NEDD4L: variants seen among roughly 807,000 people sequenced by gnomAD.
The protein encoded by NEDD4L is NEDD4 like E3 ubiquitin protein ligase, also known as E3 ubiquitin-protein ligase NEDD4-like.
A neutral mutation model predicts 148.9 loss-of-function variants in NEDD4L; 54 were observed. That is an observed-to-expected ratio of 0.36 (90% CI 0.29 to 0.45). The LOEUF (loss-of-function observed/expected upper bound fraction) is 0.45, where lower values mean the gene tolerates loss of function less well. Among genes scored for constraint, NEDD4L ranks in the 20% least tolerant of loss-of-function variants. The pLI is 1.00. For synonymous variants in NEDD4L, 433 were observed against 440.7 expected (o/e 0.98, Z 0.22); for missense variants, 856 against 1,233.8 (o/e 0.69, Z 4.59).
intron 2 of NEDD4L, among the ~76,000 whole-genome samples, chr18:58,169,629 A>G (rs2146710025): frequency 6.6e-6 from 1 of 152,364 alleles, no homozygotes. Context: ...CCACTAAGAC[A>G]TCAAAAGAGA....
chr18:58,219,459 C>T (rs1348965922), intron 2 of NEDD4L, among the ~76,000 whole-genome samples: 2 of 152,098 alleles, frequency 1.3e-5, no homozygotes. Context: ...GATTGTTTGC[C>T]AGGGCGGTCG....
intron 2 of NEDD4L, among the ~76,000 whole-genome samples, chr18:58,220,714 C>T (rs758166225): frequency 6.6e-6 from 1 of 152,120 alleles, no homozygotes; most frequent in South Asian, 2.1e-4. Context: ...CTATTAGAGC[C>T]GCATCTGCTG....
chr18:58,265,764 A>G (rs1371024981), intron 5 of NEDD4L, among the ~76,000 whole-genome samples: 4 of 151,818 alleles, frequency 2.6e-5, no homozygotes, highest in East Asian at 1.9e-4. Context: ...GGGTCTTACT[A>G]TGTTGCCCAG....
At chr18:58,387,811 T>G (rs1665392064) in intron 27 of NEDD4L, 1 of 208,388 alleles carries the variant, frequency 4.8e-6, no homozygotes, top group Non-Finnish European at 9.4e-6. Context: ...ATCATGGCCC[T>G]ATGCACCAGG....
chr18:58,309,227 T>G (rs2057398953), intron 5 of NEDD4L, among the ~76,000 whole-genome samples: 1 of 152,160 alleles, frequency 6.6e-6, no homozygotes, highest in Non-Finnish European at 1.5e-5. Context: ...GGCATGGACC[T>G]TTTAGTCAGC....
At chr18:58,222,542 A>G (rs2043887507) in intron 2 of NEDD4L, among the ~76,000 whole-genome samples, 2 of 152,160 alleles carry the variant, frequency 1.3e-5, no homozygotes, top group Non-Finnish European at 2.9e-5. Context: ...AATGATTAAC[A>G]TGTGATTTTT....
chr18:58,343,305 G>T (rs1365135221), intron 16 of NEDD4L, among the ~76,000 whole-genome samples: 2 of 152,132 alleles, frequency 1.3e-5, no homozygotes, highest in African/African-American at 2.4e-5. Flanking sequence ...GCTGTCTTTG[G>T]TATTGGTGCT....
At chr18:58,244,675 ATGTTTT>A (rs571784862) in intron 2 of NEDD4L, among the ~76,000 whole-genome samples, 3 of 151,570 alleles carry the variant, frequency 2.0e-5, no homozygotes, top group South Asian at 4.2e-4. Context: ...TTGTTTTTTT[ATGTTTT>A]TGTTTTTGTC....
At chr18:58,181,006 C>T (rs1212228128) in intron 2 of NEDD4L, among the ~76,000 whole-genome samples, 4 of 152,164 alleles carry the variant, frequency 2.6e-5, no homozygotes, top group Non-Finnish European at 5.9e-5. Flanking sequence ...ATCGAATAGT[C>T]GATTGGAGTT....
intron 2 of NEDD4L, among the ~76,000 whole-genome samples, chr18:58,244,239 A>G (rs149751352): frequency 6.6e-6 from 1 of 152,340 alleles, no homozygotes; most frequent in Non-Finnish European, 1.5e-5. Context: ...AATCTGATGA[A>G]CTGATAGCAA....
At chr18:58,141,160 G>A (rs1488450310) in intron 1 of NEDD4L, among the ~76,000 whole-genome samples, 2 of 152,192 alleles carry the variant, frequency 1.3e-5, no homozygotes. Context: ...GCCCTGGTTC[G>A]TGTTAACCAT....
Position 58,256,178 on chromosome 18 carries a change from G to C in NEDD4L, c.297+4124G>C, listed in dbSNP as rs1221887459. ...CCGCCGCGTGCGGTGCTCCGGCCCCGTGGACTGCGCGGAGGAGGCTGCCCC... is the reference window on the plus strand; with the variant it reads ...CCGCCGCGTGCGGTGCTCCGGCCCCCTGGACTGCGCGGAGGAGGCTGCCCC... On this transcript the variant is annotated intron_variant, in intron 5 of 30. Coordinates refer to ENST00000400345, the MANE Select transcript of NEDD4L (RefSeq NM_001144967.3). The surrounding 1 kb of genome is among the most constrained non-coding windows in gnomAD (Gnocchi z 5.2). The C allele has an allele frequency of 1.6e-6, 2 of 1,217,154 alleles. No homozygotes were observed. Among genetic ancestry groups the C allele is most frequent in the African/African-American group, 1.6e-5 (1 of 63,678 alleles). 75.4% of individuals were successfully genotyped at this position (1,217,154 alleles called of 1,614,324 possible).
At chr18:58,302,708 A>T (rs8085301) in intron 5 of NEDD4L, among the ~76,000 whole-genome samples, 1,795 of 152,354 alleles carry the variant, frequency 0.012, 32 homozygotes, top group African/African-American at 0.041. Context: ...ATGAAATAGA[A>T]CACGCAGATG....
intron 1 of NEDD4L, among the ~76,000 whole-genome samples, chr18:58,127,262 T>C (rs2031285547): frequency 6.6e-6 from 1 of 152,192 alleles, no homozygotes; most frequent in East Asian, 1.9e-4. Context: ...CGTAGACACA[T>C]GCGGCTAGTG....
intron 1 of NEDD4L, among the ~76,000 whole-genome samples, chr18:58,144,459 A>G (rs1479524477): frequency 6.6e-6 from 1 of 152,000 alleles, no homozygotes; most frequent in African/African-American, 2.4e-5. Flanking sequence ...CATGACCCAA[A>G]CACTTCCCAC....
intron 6 of NEDD4L, among the ~76,000 whole-genome samples, chr18:58,318,814 T>C (rs1293119037): frequency 6.6e-6 from 1 of 152,218 alleles, no homozygotes; most frequent in African/African-American, 2.4e-5. Flanking sequence ...CCCCTTCCCC[T>C]GGAGCCCTCA....
intron 4 of NEDD4L, among the ~76,000 whole-genome samples, chr18:58,251,196 G>C (rs953008981): frequency 7.2e-5 from 11 of 152,118 alleles, no homozygotes; most frequent in African/African-American, 2.2e-4. Context: ...GGAGATCATG[G>C]GTTGTTGATA....
Position 58,366,671 on chromosome 18 carries a change from AC to A in NEDD4L, c.2063+445del. ...CATGCCCTGCTCCTGTAAGGAAAGAACCAGGTTTCCCCTTGCATTAGGATTT... is the reference window on the plus strand; with the variant it reads ...CATGCCCTGCTCCTGTAAGGAAAGAACAGGTTTCCCCTTGCATTAGGATTT... On this transcript the variant is annotated intron_variant, in intron 21 of 30. Coordinates refer to ENST00000400345, the MANE Select transcript of NEDD4L (RefSeq NM_001144967.3). This position sits in a 1 kb window ranked among gnomAD's most constrained non-coding sequence, Gnocchi z 4.2. 1 of 153,936 alleles carries A rather than the reference AC, an allele frequency of 6.5e-6. No homozygotes were observed. The highest frequency in any genetic ancestry group is 2.1e-4 in the South Asian group (1 of 4,834). The allele number at this position is 153,936 out of a possible 1,614,324, so 9.5% of individuals were successfully genotyped here. A position where few individuals can be genotyped will look rare whatever the true frequency, so the allele number is the denominator to read the frequency against.
chr18:58,102,243 G>A (rs535446563), intron 1 of NEDD4L, among the ~76,000 whole-genome samples: 53 of 152,208 alleles, frequency 3.5e-4, no homozygotes, highest in African/African-American at 1.2e-3. Flanking sequence ...GGGGTGGGGG[G>A]TGGTGACTGC....
Sources: gnomAD v4.1 joint callset for allele counts (sites outside exome capture counted in the v4.1 genomes callset) on GRCh38, gnomAD v4.1.1 for gene constraint, Gnocchi (gnomAD v3.1) non-coding constraint, MANE v1.5 for transcripts, NCBI Gene and HGNC (gene_info 2026-07-23, HGNC 2026-07-21) for gene names.